The following ELMO1 variants were observed in gnomAD, a reference collection of about 807,000 sequenced individuals.
ELMO1 encodes engulfment and cell motility 1.
ELMO1 carries 26 observed loss-of-function variants against 98.9 expected under a neutral mutation model. The observed-to-expected ratio is 0.26, with a 90% CI of 0.19 to 0.36. The LOEUF is 0.36. Among genes scored for constraint, ELMO1 ranks in the 10% least tolerant of loss-of-function variants. The probability of loss-of-function intolerance (pLI) is 1.00; values close to 1 mark genes in which losing one functional copy is unlikely to be tolerated. For missense variants in ELMO1, 627 were observed against 935.2 expected (o/e 0.67, Z 4.30); for synonymous variants, 346 against 346.0 (o/e 1.00, Z 0.00).
At chr7:37,208,610 C>T (rs751123405) in intron 13 of ELMO1, among the ~76,000 whole-genome samples, 2 of 152,156 alleles carry the variant, frequency 1.3e-5, no homozygotes, top group Non-Finnish European at 2.9e-5. Flanking sequence ...TGCAGCCAGA[C>T]CCTGATATCA....
intron 18 of ELMO1, among the ~76,000 whole-genome samples, chr7:36,886,049 C>T (rs1804977685): frequency 1.3e-5 from 2 of 152,180 alleles, no homozygotes; most frequent in Admixed American, 1.3e-4. Flanking sequence ...TATGTCCTTG[C>T]CACTGAGCCC....
At chr7:37,115,602 T>C (rs948877665) in intron 14 of ELMO1, among the ~76,000 whole-genome samples, 1 of 152,136 alleles carries the variant, frequency 6.6e-6, no homozygotes, top group African/African-American at 2.4e-5. Flanking sequence ...GTTCCTCAGC[T>C]ACATAAAGAA....
chr7:37,429,277 C>T (rs1025473525), intron 1 of ELMO1: 2 of 150,904 alleles, frequency 1.3e-5, no homozygotes, highest in African/African-American at 4.9e-5. Context: ...TTGTCTTCTT[C>T]CCCACTCACC....
chr7:37,030,322 T>C (rs1346813095), intron 15 of ELMO1, among the ~76,000 whole-genome samples: 4 of 152,210 alleles, frequency 2.6e-5, no homozygotes, highest in African/African-American at 9.6e-5. Flanking sequence ...CATTTCTTAG[T>C]CATTCAATTT....
intron 7 of ELMO1, among the ~76,000 whole-genome samples, chr7:37,239,477 T>C (rs988845725): frequency 7.9e-5 from 12 of 152,234 alleles, no homozygotes; most frequent in Non-Finnish European, 1.8e-4. Context: ...TTTCAATTTT[T>C]TTAATAACTA....
intron 13 of ELMO1, among the ~76,000 whole-genome samples, chr7:37,204,695 A>C (rs1327757713): frequency 6.6e-6 from 1 of 152,176 alleles, no homozygotes. Context: ...CATTTTACAG[A>C]GTGCTGATTG....
chr7:36,896,394 T>C, intron 16 of ELMO1, among the ~76,000 whole-genome samples: 1 of 152,142 alleles, frequency 6.6e-6, no homozygotes, highest in East Asian at 1.9e-4. Context: ...AATGGTCTCA[T>C]AAGAAAGGTG....
intron 15 of ELMO1, among the ~76,000 whole-genome samples, chr7:37,028,969 T>TA (rs1244114665): frequency 6.7e-6 from 1 of 149,476 alleles, no homozygotes; most frequent in East Asian, 1.9e-4. Context: ...ATTATCAAAT[T>TA]ATGTAGTTCT....
At chr7:37,160,589 G>A (rs1441983124) in intron 13 of ELMO1, among the ~76,000 whole-genome samples, 3 of 152,166 alleles carry the variant, frequency 2.0e-5, no homozygotes, top group Non-Finnish European at 4.4e-5. Context: ...CATAGGTACT[G>A]CTTCTCTGAG....
At position 36,853,846 on chromosome 7, in the gene ELMO1, C is replaced by T. The variant is rs1802012669; in HGVS notation, c.*1705G>A. Among the ~76,000 whole-genome samples the T allele has an allele frequency of 6.6e-6, 1 of 152,180 alleles. No homozygotes were observed. The highest frequency in any genetic ancestry group is 2.4e-5 in the African/African-American group (1 of 41,444). On this transcript the variant is annotated 3_prime_UTR_variant, in exon 22 of 22. Transcript: ENST00000310758. ...TGGGAGTTTACAATCCTGATAATGC[C>T]TCCAGTGCAAATGACTTAAGAAACA...
chr7:37,417,684 A>ACACACACACACACACACACACAC (rs765287929), intron 1 of ELMO1, among the ~76,000 whole-genome samples: 2 of 113,506 alleles, frequency 1.8e-5, no homozygotes, highest in Non-Finnish European at 4.2e-5. Context: ...ACACACACAC[A>ACACACACACACACACACACACAC]AGCAAAAATT....
chr7:37,159,584 C>T (rs935215102), intron 13 of ELMO1, among the ~76,000 whole-genome samples: 4 of 152,088 alleles, frequency 2.6e-5, no homozygotes, highest in Admixed American at 2.6e-4. Flanking sequence ...CCTATAGTCC[C>T]AGCTACTGGG....
intron 16 of ELMO1, among the ~76,000 whole-genome samples, chr7:36,956,604 C>A (rs568207776): frequency 2.6e-5 from 4 of 152,126 alleles, no homozygotes; most frequent in South Asian, 2.1e-4. Context: ...TGCACCCAGG[C>A]GTACAAGAAA....
intron 12 of ELMO1, 82 bp from the exon 13 acceptor site, chr7:37,211,599 C>T: frequency 6.5e-7 from 1 of 1,529,282 alleles, no homozygotes; most frequent in Non-Finnish European, 8.8e-7. Flanking sequence ...TCCCTCTTTC[C>T]CTGGGGTCTA....
chr7:37,420,559 T>A (rs118073621), intron 1 of ELMO1, among the ~76,000 whole-genome samples: 1 of 152,208 alleles, frequency 6.6e-6, no homozygotes, highest in Non-Finnish European at 1.5e-5. Context: ...CTAAACTACA[T>A]TGCCTGGCCT....
intron 1 of ELMO1, among the ~76,000 whole-genome samples, chr7:37,406,245 A>G (rs1450929766): frequency 2.0e-5 from 3 of 150,432 alleles, no homozygotes; most frequent in Non-Finnish European, 2.9e-5. Context: ...TGCAAGGGAG[A>G]AATCTGCAAT....
intron 1 of ELMO1, among the ~76,000 whole-genome samples, chr7:37,349,755 A>T (rs1801174372): frequency 6.6e-6 from 1 of 152,140 alleles, no homozygotes. Flanking sequence ...CACCTGGCCT[A>T]GTCTTCACTT....
intron 14 of ELMO1, 178 bp downstream of exon 14, chr7:37,132,952 C>A: frequency 2.4e-6 from 1 of 413,292 alleles, no homozygotes; most frequent in Non-Finnish European, 4.2e-6. Flanking sequence ...AGTTAAAATC[C>A]TCATTTCAGT....
chr7:36,880,630 C>T (rs1804377292), intron 18 of ELMO1, among the ~76,000 whole-genome samples: 1 of 152,086 alleles, frequency 6.6e-6, no homozygotes, highest in Non-Finnish European at 1.5e-5. Flanking sequence ...AAGACAAGGC[C>T]AAGGAGTTCA....
Sources: gnomAD v4.1 joint callset for allele counts (sites outside exome capture counted in the v4.1 genomes callset) on GRCh38, gnomAD v4.1.1 for gene constraint, MANE v1.5 for transcripts, NCBI Gene and HGNC (gene_info 2026-07-23, HGNC 2026-07-21) for gene names.